Variants in IQSEC3 observed in about 807,000 individuals in gnomAD.
IQSEC3 encodes the protein IQ motif and SEC7 domain-containing protein 3.
A neutral mutation model predicts 105.4 loss-of-function variants in IQSEC3; 50 were observed. The ratio of observed to expected loss-of-function variants is 0.47; its 90% CI spans 0.38 to 0.60. The LOEUF is 0.60. IQSEC3 is among the 20% of genes least tolerant of loss of function. The probability of loss-of-function intolerance (pLI) is 0.00; values close to 1 mark genes in which losing one functional copy is unlikely to be tolerated. For missense variants in IQSEC3, 1,415 were observed against 1,630.0 expected, an observed-to-expected ratio of 0.87 and a Z score of 2.27; for synonymous variants, 708 against 746.0, an observed-to-expected ratio of 0.95 and a Z score of 0.83.
At chr12:126,570 T>TGTGTGA (rs1555083586) in intron 3 of IQSEC3, among the ~76,000 whole-genome samples, 1 of 151,684 alleles carries the variant, frequency 6.6e-6, no homozygotes, top group Admixed American at 6.6e-5. Context: ...TGTGTGTGTG[T>TGTGTGA]GTGCGCTTAG....
chr12:141,504 G>A (rs1359488436), intron 5 of IQSEC3: 2 of 519,540 alleles, frequency 3.8e-6, no homozygotes, highest in East Asian at 3.0e-5. Flanking sequence ...CCCAGGCCAG[G>A]CTTCGTTTGA....
intron 5 of IQSEC3, among the ~76,000 whole-genome samples, chr12:155,370 G>A (rs1866650259): frequency 6.6e-6 from 1 of 152,226 alleles, no homozygotes; most frequent in Non-Finnish European, 1.5e-5. Context: ...AGTGGGCTTT[G>A]ACCAAGCCAA....
At chr12:102,724 C>T (rs1481590635) in intron 2 of IQSEC3, among the ~76,000 whole-genome samples, 3 of 152,206 alleles carry the variant, frequency 2.0e-5, no homozygotes, top group Non-Finnish European at 4.4e-5. Flanking sequence ...GGGAGCCGGA[C>T]AGGGAGTGAT....
At chr12:98,197 G>GATAAA (rs1321880100) in intron 1 of IQSEC3, among the ~76,000 whole-genome samples, 1 of 152,166 alleles carries the variant, frequency 6.6e-6, no homozygotes, top group African/African-American at 2.4e-5. Flanking sequence ...TTATCCAAAA[G>GATAAA]TAATTTCAAT....
chr12:111,328 A>C (rs1459290562), intron 2 of IQSEC3, among the ~76,000 whole-genome samples: 1 of 152,180 alleles, frequency 6.6e-6, no homozygotes, highest in Non-Finnish European at 1.5e-5. Context: ...CAGATAAAAC[A>C]ACAAACTTTA....
chr12:165,997 G>A (rs1938626330), intron 11 of IQSEC3, 107 bp downstream of exon 11: 1 of 1,293,334 alleles, frequency 7.7e-7, no homozygotes, highest in African/African-American at 1.5e-5. Context: ...CCCCACTTCG[G>A]ACCCTCCCCG....
At position 165,902 on chromosome 12, in the gene IQSEC3, G is replaced by A; in HGVS notation, c.2971+12G>A. 6.2e-7 allele frequency: 1 copy of A among 1,608,444 alleles called. No individual in the cohort carries two copies. Among genetic ancestry groups the A allele is most frequent in the African/African-American group, 1.3e-5 (1 of 74,934 alleles). On this transcript the variant is annotated intron_variant, in intron 11 of 13. Transcript: ENST00000538872. ...GATCCGAATAGAGTGTAAGGACACG[G>A]GCTCCCGAGGCAGCTGGTGGGGGTT...
At chr12:159,234 T>C (rs1343298046) in intron 7 of IQSEC3, among the ~76,000 whole-genome samples, 1 of 152,188 alleles carries the variant, frequency 6.6e-6, no homozygotes, top group Non-Finnish European at 1.5e-5. Flanking sequence ...CCACCCTACG[T>C]ATCAAGCTCC....
intron 4 of IQSEC3, chr12:140,657 C>A (rs1865980157): frequency 6.3e-6 from 1 of 159,278 alleles, no homozygotes; most frequent in East Asian, 1.8e-4. Flanking sequence ...CCTTGTGTTT[C>A]TGTACTTATC....
intron 3 of IQSEC3, among the ~76,000 whole-genome samples, chr12:136,229 G>T (rs1865760416): frequency 6.6e-6 from 1 of 151,550 alleles, no homozygotes; most frequent in Non-Finnish European, 1.5e-5. Context: ...GTTGGATGTT[G>T]GGGGAGACAG....
chr12:98,977 A>G (rs1864330386), intron 1 of IQSEC3, among the ~76,000 whole-genome samples, 169 bp from the exon 2 acceptor site: 1 of 152,172 alleles, frequency 6.6e-6, no homozygotes, highest in African/African-American at 2.4e-5. Flanking sequence ...CAGAGCATCG[A>G]TGCTGCACTC....
chr12:115,434 C>T (rs115299927), intron 2 of IQSEC3, among the ~76,000 whole-genome samples: 5,530 of 152,260 alleles, frequency 0.036, 129 homozygotes, highest in South Asian at 0.084. Flanking sequence ...CTGGTATGGG[C>T]TTTATGCACA....
rs782089273 is a variant in IQSEC3, at chr12:138,458, G to A, written c.1095G>A (p.Ala365=). The A allele has an allele frequency of 5.6e-6, 9 of 1,602,242 alleles. No homozygotes were observed. Among genetic ancestry groups the A allele is most frequent in the African/African-American group, 1.3e-5 (1 of 74,850 alleles). The change falls in exon 4 of 14, where the codon GCG becomes GCA. Residue 365 remains alanine (A), a synonymous_variant. Transcript: ENST00000538872. The surrounding 1 kb of genome is among the most constrained non-coding windows in gnomAD (Gnocchi z 7.1). ...GGTCACCCACGGCCGAGAGCCTGGC[G>A]GCCGAGAAAGCGCTCATGGAGGGCT... ...KVRSPTAESL[A]AEKALMEGYG... is the part of the protein sequence containing the mutation.
At chr12:78,155 G>A (rs1329551504) in intron 1 of IQSEC3, among the ~76,000 whole-genome samples, 8 of 150,960 alleles carry the variant, frequency 5.3e-5, no homozygotes, top group Non-Finnish European at 1.2e-4. Flanking sequence ...ACAGCCGCCC[G>A]CCCACGGTGT....
intron 2 of IQSEC3, among the ~76,000 whole-genome samples, chr12:106,069 T>C (rs1864638867): frequency 6.6e-6 from 1 of 152,248 alleles, no homozygotes; most frequent in South Asian, 2.1e-4. Context: ...AAGCAAATAC[T>C]AGCCACCATG....
chr12:78,491 C>G (rs1357025216), intron 1 of IQSEC3, among the ~76,000 whole-genome samples: 2 of 146,870 alleles, frequency 1.4e-5, no homozygotes, highest in Non-Finnish European at 3.0e-5. Flanking sequence ...TTCCTTGTAC[C>G]CAAGACACCT....
In IQSEC3 at chr12:139,313, G is replaced by T. The variant is rs576560314; in HGVS notation, c.1950G>T (p.Leu650=). The T allele has an allele frequency of 6.3e-7, 1 of 1,596,286 alleles. No individual in the cohort carries two copies. Among genetic ancestry groups the T allele is most frequent in the African/African-American group, 1.3e-5 (1 of 74,282 alleles). ...CGCCCACGCTCTCCACCGACACCCT[G>T]CGCAAGCGGCTCTACCGCATCGGCC... ...CKSPTLSTDT[L]RKRLYRIGLN... Residue 650 remains leucine (L), a synonymous_variant, in exon 4 of 14, where the codon CTG becomes CTT. Coordinates refer to ENST00000538872, the MANE Select transcript of IQSEC3 (RefSeq NM_001170738.2).
intron 1 of IQSEC3, among the ~76,000 whole-genome samples, chr12:95,142 TG>T (rs1320109545): frequency 6.6e-6 from 1 of 152,232 alleles, no homozygotes. Flanking sequence ...GTCTTTGATT[TG>T]CCCCGGGAAT....
At chr12:91,500 C>A (rs182775398) in intron 1 of IQSEC3, among the ~76,000 whole-genome samples, 2 of 152,110 alleles carry the variant, frequency 1.3e-5, no homozygotes, top group African/African-American at 4.8e-5. Context: ...GGAGGCCCAG[C>A]GCGGTTGTTC....
Sources: allele counts gnomAD v4.1 joint callset (sites outside exome capture counted in the v4.1 genomes callset), GRCh38; gene constraint gnomAD v4.1.1; non-coding constraint Gnocchi (gnomAD v3.1); transcripts MANE v1.5; gene names NCBI Gene and HGNC (gene_info 2026-07-23, HGNC 2026-07-21).